Variants in ANKRD30A observed in about 807,000 individuals in gnomAD.
ANKRD30A encodes the protein ankyrin repeat domain-containing protein 30A.
Under a neutral mutation model 166.3 loss-of-function variants are expected in ANKRD30A, and 170 were observed. The observed-to-expected ratio is 1.02, with a 90% CI of 0.90 to 1.16. The LOEUF (loss-of-function observed/expected upper bound fraction) is 1.16. Ranked by LOEUF, ANKRD30A falls within the 50% of genes most tolerant of loss-of-function variation. ANKRD30A has a pLI of 0.00. For missense variants in ANKRD30A, 1,630 were observed against 1,518.0 expected, an observed-to-expected ratio of 1.07 and a Z score of -1.23; for synonymous variants, 564 against 508.9, an observed-to-expected ratio of 1.11 and a Z score of -1.46.
At chr10:37,226,281 G>C (rs997682094) in intron 34 of ANKRD30A, among the ~76,000 whole-genome samples, 12 of 103,600 alleles carry the variant, frequency 1.2e-4, no homozygotes, top group Non-Finnish European at 2.0e-4. Context: ...AACAGGCCCC[G>C]GTGTGTGATG....
chr10:37,160,296 A>G (rs1332940017), intron 15 of ANKRD30A, among the ~76,000 whole-genome samples: 1 of 152,234 alleles, frequency 6.6e-6, no homozygotes, highest in African/African-American at 2.4e-5. Flanking sequence ...GAATTGGAAA[A>G]GTCCTACTTT....
At position 37,158,516 on chromosome 10, in the gene ANKRD30A, T is replaced by A. The variant is rs1360499858; in HGVS notation, c.1830T>A (p.Ala610=). ...ESPNKDGLLK[A]TCGMKVSIPT... ...GTTTTGTTTCCAAACCCATTTAGGCTACCTGCGGAATGAAAGTTTCTATTC... is the reference window on the plus strand; with the variant it reads ...GTTTTGTTTCCAAACCCATTTAGGCAACCTGCGGAATGAAAGTTTCTATTC... The change falls in exon 15 of 36, where the codon GCT becomes GCA. Residue 610 remains alanine (A), a splice_region_variant and synonymous_variant. Transcript: ENST00000361713. The A allele has an allele frequency of 6.2e-7, 1 of 1,613,610 alleles. No individual in the cohort carries two copies. The highest frequency in any genetic ancestry group is 1.3e-5 in the African/African-American group (1 of 75,030).
In ANKRD30A at chr10:37,125,776, G is replaced by A; in HGVS notation, c.-12G>A. 1.6e-6 allele frequency: 1 copy of A among 633,962 alleles called. No homozygotes were observed. The highest frequency in any genetic ancestry group is 2.8e-6 in the Non-Finnish European group (1 of 355,866). 39.3% of individuals were successfully genotyped at this position (633,962 alleles called of 1,614,324 possible). ...GGGAGGCGCGGGCACTCTCTAGCAG[G>A]TGGCCGCAGCCATGGAGGAGATCTC... On this transcript the variant is annotated 5_prime_UTR_variant, in exon 1 of 36. The change creates a new upstream start codon in the 5' untranslated region. Coordinates refer to ENST00000361713, the MANE Select transcript of ANKRD30A (RefSeq NM_052997.3).
intron 34 of ANKRD30A, among the ~76,000 whole-genome samples, chr10:37,227,545 T>C (rs1843216140): frequency 6.6e-6 from 1 of 151,982 alleles, no homozygotes; most frequent in African/African-American, 2.4e-5. Flanking sequence ...TTCAATCATG[T>C]TGCATATTAC....
intron 31 of ANKRD30A, among the ~76,000 whole-genome samples, chr10:37,202,585 A>T (rs1841713532): frequency 6.6e-6 from 1 of 152,230 alleles, no homozygotes; most frequent in South Asian, 2.1e-4. Flanking sequence ...GAACTAGAGA[A>T]GCAAGAGCAA....
intron 6 of ANKRD30A, among the ~76,000 whole-genome samples, chr10:37,139,836 G>A (rs1314801166): frequency 1.3e-5 from 2 of 152,148 alleles, no homozygotes; most frequent in Non-Finnish European, 2.9e-5. Context: ...TTTAGTAAAT[G>A]AGAATTAATT....
intron 8 of ANKRD30A, among the ~76,000 whole-genome samples, chr10:37,146,002 A>G (rs1435297686): frequency 1.3e-5 from 2 of 152,294 alleles, no homozygotes; most frequent in African/African-American, 2.4e-5. Context: ...CCATGCTTAT[A>G]GCAACATAAG....
chr10:37,222,960 A>G (rs1256863983), intron 34 of ANKRD30A, among the ~76,000 whole-genome samples: 1 of 151,512 alleles, frequency 6.6e-6, no homozygotes, highest in African/African-American at 2.4e-5. Flanking sequence ...ACCAGTTGTT[A>G]CAATTAAATA....
chr10:37,179,045 TA>T (rs1839978091), intron 24 of ANKRD30A, among the ~76,000 whole-genome samples: 2 of 136,234 alleles, frequency 1.5e-5, no homozygotes, highest in African/African-American at 2.6e-5. Context: ...TATATATATA[TA>T]TATATATATA....
Position 37,125,988 on chromosome 10 carries a change from T to A in ANKRD30A, c.201T>A (p.Asn67Lys). The change falls in exon 1 of 36, where the codon AAT becomes AAA. Residue 67 changes from asparagine to lysine, a missense_variant. By Grantham distance (94) the Asn-to-Lys change is moderately conservative. Transcript: ENST00000361713. ...MTKRKKTINL[N>K]IQDAQKRTAL... ...AGAGGAAGAAGACCATCAACCTTAA[T>A]ATACAAGACGCCCAGAAGAGGTACC... 1 of 1,610,934 alleles carries A rather than the reference T, an allele frequency of 6.2e-7. No homozygotes were observed. Among genetic ancestry groups the A allele is most frequent in the Non-Finnish European group, 8.5e-7 (1 of 1,179,428 alleles).
chr10:37,206,597 C>A (rs1204938506), intron 31 of ANKRD30A, among the ~76,000 whole-genome samples: 1 of 152,098 alleles, frequency 6.6e-6, no homozygotes, highest in Admixed American at 6.6e-5. Flanking sequence ...CGAGACCAGC[C>A]TGGCCAACAT....
Position 37,193,278 on chromosome 10 carries a change from T to C in ANKRD30A, c.2614+20T>C, listed in dbSNP as rs755801773. Reference sequence around the variant, plus strand: ...AAGCAGGTAAATTTTGTAATTTTAATTTTACTCTGGAAAGAAGAATATTAA... The same window carrying C: ...AAGCAGGTAAATTTTGTAATTTTAACTTTACTCTGGAAAGAAGAATATTAA... On this transcript the variant is annotated intron_variant, in intron 27 of 35. Coordinates refer to ENST00000361713, the MANE Select transcript of ANKRD30A (RefSeq NM_052997.3). 21 of 1,601,060 alleles carry C rather than the reference T, an allele frequency of 1.3e-5. No homozygotes were observed. The South Asian group carries it at 2.4e-4, about 18-fold the overall frequency.
chr10:37,248,837 A>C, the ANKRD30A span, among the ~76,000 whole-genome samples: 2 of 152,114 alleles, frequency 1.3e-5, no homozygotes, highest in Middle Eastern at 3.2e-3. Context: ...TCTGTCACAT[A>C]GATGCCTTTC....
At chr10:37,147,484 T>G (rs1837592350) in intron 9 of ANKRD30A, 27 bp downstream of exon 9, 2 of 1,464,104 alleles carry the variant, frequency 1.4e-6, no homozygotes, top group Non-Finnish European at 1.9e-6. Context: ...ATTTGAAAAG[T>G]CTTTTAACCA....
At chr10:37,196,797 A>C (rs1564551523) in intron 27 of ANKRD30A, among the ~76,000 whole-genome samples, 1 of 152,174 alleles carries the variant, frequency 6.6e-6, no homozygotes, top group Admixed American at 6.5e-5. Context: ...TATTCATTTT[A>C]AGTATTATGA....
chr10:37,135,973 G>C (rs189419473), intron 5 of ANKRD30A, among the ~76,000 whole-genome samples: 1 of 152,002 alleles, frequency 6.6e-6, no homozygotes, highest in East Asian at 1.9e-4. Context: ...TTAATTTTTT[G>C]TAGAGACAGG....
chr10:37,163,157 T>C lies in ANKRD30A; in HGVS notation c.2002+309T>C, dbSNP rs2132600133. Among the ~76,000 whole-genome samples, 3 of 147,618 alleles carry C rather than the reference T, an allele frequency of 2.0e-5. 1 individual carries two copies. The highest frequency in any genetic ancestry group is 7.5e-5 in the African/African-American group (3 of 39,894). On this transcript the variant is annotated intron_variant, in intron 17 of 35. Transcript: ENST00000361713. The stretch of plus-strand genomic sequence containing the variant: ...AGGTGAATGTTGAAACTCCAATTTC[T>C]TTTTTTAGCTCTTCGAAGCTTGATT...
rs190443705 is a variant in ANKRD30A at position 37,153,268 on chromosome 10, T to C, written c.1708-304T>C. ...GATGAGGACTAGAACATAAGTTAGATATTTTTAAGAGAGATACTTTTTGAA... is the reference window on the plus strand; with the variant it reads ...GATGAGGACTAGAACATAAGTTAGACATTTTTAAGAGAGATACTTTTTGAA... On this transcript the variant is annotated intron_variant, in intron 12 of 35. Coordinates refer to ENST00000361713, the MANE Select transcript of ANKRD30A (RefSeq NM_052997.3). 5.1e-3 allele frequency among the ~76,000 whole-genome samples: 775 copies of C among 152,322 alleles called. 9 individuals carry two copies. Among genetic ancestry groups the C allele is most frequent in the African/African-American group, 0.017 (726 of 41,558 alleles).
At chr10:37,126,113 G>A in intron 1 of ANKRD30A, 105 bp downstream of exon 1, 1 of 1,261,896 alleles carries the variant, frequency 7.9e-7, no homozygotes, top group Non-Finnish European at 1.1e-6. Context: ...AAGGGAGCAG[G>A]TGGAGGAGTA....
Sources: allele counts gnomAD v4.1 joint callset (sites outside exome capture counted in the v4.1 genomes callset), GRCh38; gene constraint gnomAD v4.1.1; transcripts MANE v1.5; gene names NCBI Gene and HGNC (gene_info 2026-07-23, HGNC 2026-07-21).